Variants in PHLPP1 observed in about 807,000 individuals in gnomAD.
PHLPP1 encodes PH domain leucine-rich repeat-containing protein phosphatase 1.
PHLPP1 carries 42 observed loss-of-function variants against 117.2 expected under a neutral mutation model. The observed-to-expected ratio is 0.36, with a 90% confidence interval of 0.28 to 0.46. PHLPP1 has a LOEUF of 0.46. PHLPP1 is among the 20% of genes least tolerant of loss of function. PHLPP1 has a pLI of 1.00. For synonymous variants in PHLPP1, 1,042 were observed against 970.7 expected, an observed-to-expected ratio of 1.07 and a Z score of -1.37; for missense variants, 2,084 against 2,241.9, an observed-to-expected ratio of 0.93 and a Z score of 1.42.
intron 1 of PHLPP1, among the ~76,000 whole-genome samples, chr18:62,784,307 A>G (rs1466468245): frequency 2.6e-5 from 4 of 152,222 alleles, no homozygotes. Flanking sequence ...TCTGGCCCCA[A>G]ATGTCAATAG....
chr18:62,785,042 G>A (rs1025115646), intron 1 of PHLPP1, among the ~76,000 whole-genome samples: 1 of 152,126 alleles, frequency 6.6e-6, no homozygotes, highest in Non-Finnish European at 1.5e-5. Context: ...CAGATAATTG[G>A]TATGTTTTTC....
chr18:62,789,602 T>C (rs1338733276), intron 1 of PHLPP1, among the ~76,000 whole-genome samples: 1 of 152,138 alleles, frequency 6.6e-6, no homozygotes, highest in Non-Finnish European at 1.5e-5. Flanking sequence ...CAGTGTCTTC[T>C]CACACAGCAC....
chr18:62,736,617 C>CATTCAT (rs1232769556), intron 1 of PHLPP1, among the ~76,000 whole-genome samples: 3 of 152,040 alleles, frequency 2.0e-5, no homozygotes, highest in Non-Finnish European at 4.4e-5. Context: ...TAGGAGTTGG[C>CATTCAT]GACATAATGA....
intron 12 of PHLPP1, 136 bp downstream of exon 12, chr18:62,945,407 C>T: frequency 1.5e-6 from 1 of 651,034 alleles, no homozygotes; most frequent in East Asian, 3.1e-5. Context: ...TTACTTCCTC[C>T]TTCCTAACCA....
At chr18:62,966,909 A>T (rs1208922009) in intron 14 of PHLPP1, among the ~76,000 whole-genome samples, 2 of 152,106 alleles carry the variant, frequency 1.3e-5, no homozygotes, top group Middle Eastern at 3.4e-3. Flanking sequence ...GCAACTCCTG[A>T]TCTGTTTTTT....
chr18:62,912,501 CCT>C (rs1568159070), intron 8 of PHLPP1, among the ~76,000 whole-genome samples: 1 of 151,198 alleles, frequency 6.6e-6, no homozygotes, highest in Non-Finnish European at 1.5e-5. Flanking sequence ...CCCACCCACT[CCT>C]CCCACCCCCC....
chr18:62,962,543 A>C (rs1196291913), intron 13 of PHLPP1, among the ~76,000 whole-genome samples: 1 of 152,306 alleles, frequency 6.6e-6, no homozygotes, highest in South Asian at 2.1e-4. Flanking sequence ...TCCCGACCTC[A>C]GGTGATCCGC....
At chr18:62,744,114 GT>G (rs1911609486) in intron 1 of PHLPP1, among the ~76,000 whole-genome samples, 2 of 152,206 alleles carry the variant, frequency 1.3e-5, no homozygotes. Flanking sequence ...ACATTGTAAA[GT>G]TCCCTTAAGA....
At chr18:62,740,313 A>T (rs550472118) in intron 1 of PHLPP1, among the ~76,000 whole-genome samples, 2 of 152,074 alleles carry the variant, frequency 1.3e-5, no homozygotes, top group Non-Finnish European at 2.9e-5. Context: ...TATTTCTGAG[A>T]TAGATTTGAT....
intron 1 of PHLPP1, among the ~76,000 whole-genome samples, chr18:62,740,282 G>A (rs1449266257): frequency 6.6e-6 from 1 of 152,064 alleles, no homozygotes; most frequent in Non-Finnish European, 1.5e-5. Flanking sequence ...TTTCCTTTCT[G>A]TTTATAAACT....
intron 1 of PHLPP1, among the ~76,000 whole-genome samples, chr18:62,721,150 T>C (rs1910904054): frequency 6.6e-6 from 1 of 152,154 alleles, no homozygotes; most frequent in Non-Finnish European, 1.5e-5. Context: ...AAGTGGTATT[T>C]CTTGTGAAAT....
At chr18:62,967,614 A>G (rs1910939518) in intron 14 of PHLPP1, among the ~76,000 whole-genome samples, 1 of 151,574 alleles carries the variant, frequency 6.6e-6, no homozygotes, top group African/African-American at 2.4e-5. Context: ...TTCTATATCT[A>G]GTTTGCTAAG....
intron 10 of PHLPP1, among the ~76,000 whole-genome samples, chr18:62,922,120 G>T (rs1200073999): frequency 9.1e-5 from 2 of 21,980 alleles, no homozygotes; most frequent in Non-Finnish European, 2.3e-4. Flanking sequence ...TGGGTTTTTT[G>T]TTTGTTTGTT....
At chr18:62,924,824 G>C (rs1180043985) in intron 10 of PHLPP1, among the ~76,000 whole-genome samples, 1 of 149,746 alleles carries the variant, frequency 6.7e-6, no homozygotes, top group Admixed American at 6.8e-5. Context: ...GGGTTACAGA[G>C]TGTGACCGTG....
intron 4 of PHLPP1, among the ~76,000 whole-genome samples, chr18:62,878,952 A>C (rs1274705234): frequency 6.6e-6 from 1 of 152,196 alleles, no homozygotes; most frequent in Non-Finnish European, 1.5e-5. Flanking sequence ...CATTCTTTAC[A>C]ACCACAGGGC....
chr18:62,793,738 G>A (rs1236517246), intron 1 of PHLPP1, among the ~76,000 whole-genome samples: 2 of 152,164 alleles, frequency 1.3e-5, no homozygotes, highest in African/African-American at 2.4e-5. Context: ...CTAGGGAGAG[G>A]TGGAGCCAGG....
chr18:62,930,211 C>T (rs1909766344), intron 10 of PHLPP1, among the ~76,000 whole-genome samples: 3 of 152,006 alleles, frequency 2.0e-5, no homozygotes, highest in African/African-American at 7.2e-5. Context: ...TTAAAGAAGG[C>T]ATAATATATA....
At chr18:62,924,516 T>G (rs1909565794) in intron 10 of PHLPP1, among the ~76,000 whole-genome samples, 1 of 151,554 alleles carries the variant, frequency 6.6e-6, no homozygotes, top group Non-Finnish European at 1.5e-5. Flanking sequence ...AGTCTCATAG[T>G]TTTAATTACG....
At chr18:62,818,348 T>A (rs181990226) in intron 1 of PHLPP1, among the ~76,000 whole-genome samples, 29 of 152,094 alleles carry the variant, frequency 1.9e-4, no homozygotes, top group Non-Finnish European at 4.0e-4. Context: ...CTGGTCAACA[T>A]GGCGAAACCC....
Sources: gnomAD v4.1 joint callset for allele counts (sites outside exome capture counted in the v4.1 genomes callset) on GRCh38, gnomAD v4.1.1 for gene constraint, MANE v1.5 for transcripts, NCBI Gene and HGNC (gene_info 2026-07-23, HGNC 2026-07-21) for gene names.